Variants in MRPL44 observed in about 807,000 individuals in gnomAD.
The protein encoded by MRPL44 is mitochondrial ribosomal protein L44, also known as large ribosomal subunit protein mL44.
Under a neutral mutation model 25.9 loss-of-function variants are expected in MRPL44, and 21 were observed. That is an observed-to-expected ratio of 0.81 (90% confidence interval 0.58 to 1.17). The LOEUF (loss-of-function observed/expected upper bound fraction) is 1.17, where lower values mean the gene tolerates loss of function less well. MRPL44 is among the 50% of genes most tolerant of loss of function. The pLI, the probability that MRPL44 is intolerant of heterozygous loss-of-function variation, is 0.00. For missense variants in MRPL44, 410 were observed against 398.9 expected (o/e 1.03, Z -0.24); for synonymous variants, 169 against 151.0 (o/e 1.12, Z -0.87).
chr2:223,964,743 A>G (rs985620990), intron 3 of MRPL44, among the ~76,000 whole-genome samples: 1 of 152,126 alleles, frequency 6.6e-6, no homozygotes, highest in Non-Finnish European at 1.5e-5. Flanking sequence ...AGCATCTTAA[A>G]ATTTTTTATG....
Position 223,959,991 on chromosome 2 carries a change from C to A in MRPL44, c.637C>A (p.Leu213Ile). ...LQSSGPERTA[L>I]FIRDFLITQM... ...GAGCAGTGGACCTGAGAGGACTGCA[C>A]TTTTCATCAGGGTACGTAACTATTA... is the stretch of plus-strand genomic sequence containing the variant. Residue 213 changes from leucine to isoleucine, a missense_variant, in exon 2 of 4, where the codon CTT (leucine) becomes ATT (isoleucine). By Grantham distance (5) the Leu-to-Ile change is conservative (BLOSUM62 2). Transcript: ENST00000258383. 1 of 1,610,698 alleles carries A rather than the reference C, an allele frequency of 6.2e-7. No individual in the cohort carries two copies. The highest frequency in any genetic ancestry group is 8.5e-7 in the Non-Finnish European group (1 of 1,178,038).
chr2:223,960,568 G>C (rs1206684332), intron 2 of MRPL44, among the ~76,000 whole-genome samples: 1 of 152,156 alleles, frequency 6.6e-6, no homozygotes, highest in Non-Finnish European at 1.5e-5. Flanking sequence ...TTTGATAATA[G>C]AGAGTCCACA....
Position 223,959,819 on chromosome 2 carries a change from T to G in MRPL44, c.465T>G (p.Asn155Lys), listed in dbSNP as rs1228124206. Reference protein sequence around the residue: ...YPDMPTEGIKNLVDFLTGEEV... With the variant: ...YPDMPTEGIKKLVDFLTGEEV... The stretch of plus-strand genomic sequence containing the variant: ...ACATGCCCACTGAAGGCATAAAAAA[T>G]CTTGTTGACTTTCTCACTGGTGAGG... The change falls in exon 2 of 4, where the codon AAT becomes AAG. Residue 155 changes from asparagine (N) to lysine (K), a missense_variant. Physicochemically the swap from Asn to Lys is moderately conservative, Grantham distance 94. Transcript: ENST00000258383. The G allele has an allele frequency of 6.2e-7, 1 of 1,614,136 alleles. No individual in the cohort carries two copies. The highest frequency in any genetic ancestry group is 8.5e-7 in the Non-Finnish European group (1 of 1,180,020).
chr2:223,960,374 C>T (rs546928899), intron 2 of MRPL44, among the ~76,000 whole-genome samples: 1 of 152,304 alleles, frequency 6.6e-6, no homozygotes, highest in South Asian at 2.1e-4. Context: ...GTCTGCTCTT[C>T]CAAGTGATGA....
At chr2:223,959,332 A>G (rs533198555) in intron 1 of MRPL44, among the ~76,000 whole-genome samples, 1 of 152,360 alleles carries the variant, frequency 6.6e-6, no homozygotes, top group South Asian at 2.1e-4. Context: ...ATCCAGTCAT[A>G]TATGTAGAAT....
At position 223,959,909 on chromosome 2, in the gene MRPL44, A is replaced by G; in HGVS notation, c.555A>G (p.Pro185=). The change falls in exon 2 of 4, where the codon CCA becomes CCG. Residue 185 remains proline, a synonymous_variant. Coordinates refer to ENST00000258383, the MANE Select transcript of MRPL44 (RefSeq NM_022915.5). ...AGTTAACACTGAGTGAAGAATTCCC[A>G]GTGCCCCCAGCTGTGTTACAGCAGA... ...VEQLTLSEEF[P]VPPAVLQQTF... 1 of 1,614,216 alleles carries G rather than the reference A, an allele frequency of 6.2e-7. No homozygotes were observed. The highest frequency in any genetic ancestry group is 8.5e-7 in the Non-Finnish European group (1 of 1,180,034).
intron 2 of MRPL44, among the ~76,000 whole-genome samples, chr2:223,962,122 TC>T (rs1341989256): frequency 4.6e-5 from 7 of 152,132 alleles, no homozygotes; most frequent in East Asian, 1.9e-4. Flanking sequence ...AGCCTCGACT[TC>T]CTGTGCTCAA....
chr2:223,966,235 C>CAAAAAAA (rs35614150), intron 3 of MRPL44, among the ~76,000 whole-genome samples: 1 of 123,712 alleles, frequency 8.1e-6, no homozygotes, highest in Non-Finnish European at 1.7e-5. Flanking sequence ...GACTCAGTCT[C>CAAAAAAA]AAAAAAAAAA....
rs753586441 is a variant in MRPL44 at position 223,966,910 on chromosome 2, CAGA to C, written c.882_884del (p.Glu295del). On this transcript the variant is annotated inframe_deletion, in exon 4 of 4. Coordinates refer to ENST00000258383, the MANE Select transcript of MRPL44 (RefSeq NM_022915.5). ...GGACCTGGGGAAACAGTATTGGTTG[CAGA>C]AGAAGAGGCTGCTCGAGTGGCCCTT... 8.1e-5 allele frequency: 131 copies of C among 1,614,000 alleles called. No homozygotes were observed. Among genetic ancestry groups the C allele is most frequent in the Non-Finnish European group, 1.1e-4 (125 of 1,180,000 alleles).
chr2:223,966,235 CAA>C (rs35614150), intron 3 of MRPL44, among the ~76,000 whole-genome samples: 1,641 of 123,668 alleles, frequency 0.013, 20 homozygotes, highest in African/African-American at 0.041. Flanking sequence ...GACTCAGTCT[CAA>C]AAAAAAAAAA....
At chr2:223,966,214 C>T (rs1456026522) in intron 3 of MRPL44, among the ~76,000 whole-genome samples, 2 of 142,362 alleles carry the variant, frequency 1.4e-5, no homozygotes, top group African/African-American at 5.3e-5. Flanking sequence ...ACAGCCTGGG[C>T]GACAGAGTGA....
Position 223,967,263 on chromosome 2 carries a change from T to TAA in MRPL44, c.*230_*231insAA. On this transcript the variant is annotated 3_prime_UTR_variant, in exon 4 of 4. Coordinates refer to ENST00000258383, the MANE Select transcript of MRPL44 (RefSeq NM_022915.5). Reference sequence around the variant, plus strand: ...TTTTTTTTCTCTTGAGATGGAGTCTTACTCTGTCGCCCAGGCTGGACTGCA... The same window carrying TAA: ...TTTTTTTTCTCTTGAGATGGAGTCTTAAACTCTGTCGCCCAGGCTGGACTGCA... The TAA allele has an allele frequency of 2.2e-6, 1 of 446,430 alleles. No individual in the cohort carries two copies. Among genetic ancestry groups the TAA allele is most frequent in the South Asian group, 3.2e-5 (1 of 31,020 alleles). 27.7% of individuals were successfully genotyped at this position (446,430 alleles called of 1,614,324 possible). A position where few individuals can be genotyped will look rare whatever the true frequency, so the allele number is the denominator to read the frequency against.
chr2:223,959,449 A>T, intron 1 of MRPL44, 85 bp from the exon 2 acceptor site: 1 of 1,013,032 alleles, frequency 9.9e-7, no homozygotes, highest in Non-Finnish European at 1.5e-6. Context: ...TATATAATTA[A>T]TAACATTACA....
intron 2 of MRPL44, among the ~76,000 whole-genome samples, chr2:223,961,498 C>A (rs566118004): frequency 1.1e-4 from 17 of 152,278 alleles, no homozygotes; most frequent in Middle Eastern, 3.4e-3. Context: ...TTCTCAGGCA[C>A]CCCCTCAGAG....
chr2:223,963,798 A>T lies in MRPL44; in HGVS notation c.691A>T (p.Met231Leu), dbSNP rs1301030158. Residue 231 changes from methionine (M) to leucine (L), a missense_variant, in exon 3 of 4, where the codon ATG (methionine) becomes TTG (leucine). Coordinates refer to ENST00000258383, the MANE Select transcript of MRPL44 (RefSeq NM_022915.5). Reference protein sequence around the residue: ...TQMTGKELFEMWKIINPMGLL... With the variant: ...TQMTGKELFELWKIINPMGLL... The stretch of plus-strand genomic sequence containing the variant: ...AATGACTGGAAAAGAGCTCTTTGAG[A>T]TGTGGAAGATAATAAATCCCATGGG... The T allele has an allele frequency of 6.2e-7, 1 of 1,612,526 alleles. No homozygotes were observed. Among genetic ancestry groups the T allele is most frequent in the Non-Finnish European group, 8.5e-7 (1 of 1,179,394 alleles).
chr2:223,956,265 CCT>C (rs1281795602), upstream of MRPL44, among the ~76,000 whole-genome samples: 1 of 152,142 alleles, frequency 6.6e-6, no homozygotes, highest in Non-Finnish European at 1.5e-5. Flanking sequence ...GTGCTCAGCC[CCT>C]CTTTTGCTCT....
At chr2:223,956,875 G>T (rs1689571499), upstream of MRPL44, among the ~76,000 whole-genome samples, 1 of 152,106 alleles carries the variant, frequency 6.6e-6, no homozygotes, top group South Asian at 2.1e-4. Context: ...ACCGTTTTAT[G>T]TTTTTTTCCA....
intron 2 of MRPL44, among the ~76,000 whole-genome samples, chr2:223,962,095 C>T (rs570614571): frequency 2.6e-5 from 4 of 152,114 alleles, no homozygotes; most frequent in Non-Finnish European, 5.9e-5. Context: ...TGCAGTGGCA[C>T]AATCACAGCT....
chr2:223,959,892 C>T lies in MRPL44; in HGVS notation c.538C>T (p.Leu180=). ...AAACTTGGCTGTGGAGCAGTTAACACTGAGTGAAGAATTCCCAGTGCCCCC... is the reference window on the plus strand; with the variant it reads ...AAACTTGGCTGTGGAGCAGTTAACATTGAGTGAAGAATTCCCAGTGCCCCC... The part of the protein sequence containing the change: ...ARNLAVEQLT[L]SEEFPVPPAV... Residue 180 remains leucine (L), a synonymous_variant, in exon 2 of 4, where the codon CTG becomes TTG. Coordinates refer to ENST00000258383, the MANE Select transcript of MRPL44 (RefSeq NM_022915.5). The T allele has an allele frequency of 1.9e-6, 3 of 1,614,160 alleles. No individual in the cohort carries two copies. Among genetic ancestry groups the T allele is most frequent in the Non-Finnish European group, 2.5e-6 (3 of 1,180,026 alleles).
Sources: allele counts gnomAD v4.1 joint callset (sites outside exome capture counted in the v4.1 genomes callset), GRCh38; gene constraint gnomAD v4.1.1; transcripts MANE v1.5; gene names NCBI Gene and HGNC (gene_info 2026-07-23, HGNC 2026-07-21).